ADAMTS16: variants seen among roughly 807,000 people sequenced by gnomAD.
ADAMTS16 encodes A disintegrin and metalloproteinase with thrombospondin motifs 16.
Under a neutral mutation model 145.8 loss-of-function variants are expected in ADAMTS16, and 94 were observed. That is an observed-to-expected ratio of 0.64 (90% confidence interval 0.55 to 0.77). The LOEUF (loss-of-function observed/expected upper bound fraction) is 0.77. Among genes scored for constraint, ADAMTS16 ranks in the 30% least tolerant of loss-of-function variants. The pLI is 0.00. For synonymous variants in ADAMTS16, 659 were observed against 604.3 expected, an observed-to-expected ratio of 1.09 and a Z score of -1.33; for missense variants, 1,585 against 1,591.5, an observed-to-expected ratio of 1.00 and a Z score of 0.07.
At chr5:5,162,934 G>A (rs915766945) in intron 3 of ADAMTS16, among the ~76,000 whole-genome samples, 36 of 152,278 alleles carry the variant, frequency 2.4e-4, no homozygotes, top group Admixed American at 7.8e-4. Flanking sequence ...CAGCTATCTG[G>A]AATTCTGCAT....
At chr5:5,146,513 G>A (rs1365937249) in intron 3 of ADAMTS16, 58 bp downstream of exon 3, 5 of 1,498,930 alleles carry the variant, frequency 3.3e-6, no homozygotes, top group Non-Finnish European at 3.6e-6. Flanking sequence ...GGAAAGGAGA[G>A]CGTAACCAGG....
rs1350979915 is a variant in ADAMTS16, at chr5:5,140,738, G to A, written c.147G>A (p.Ala49=). 2 of 1,567,734 alleles carry A rather than the reference G, an allele frequency of 1.3e-6. No homozygotes were observed. Among genetic ancestry groups the A allele is most frequent in the African/African-American group, 1.4e-5 (1 of 73,942 alleles). Residue 49 remains alanine, a synonymous_variant, in exon 2 of 23, where the codon GCG becomes GCA. Transcript: ENST00000274181. ...SPSVPRPPPP[A]ERPGWMEKGE... Reference sequence around the variant, plus strand: ...GCGTCCCGCGTCCTCCTCCACCCGCGGAGCGGCCGGGCTGGATGGAAAAGG... The same window carrying A: ...GCGTCCCGCGTCCTCCTCCACCCGCAGAGCGGCCGGGCTGGATGGAAAAGG...
intron 17 of ADAMTS16, among the ~76,000 whole-genome samples, chr5:5,261,839 T>C (rs951716885): frequency 1.3e-5 from 2 of 152,306 alleles, no homozygotes; most frequent in African/African-American, 4.8e-5. Context: ...TACATTCACA[T>C]TGATGTACAA....
intron 18 of ADAMTS16, among the ~76,000 whole-genome samples, chr5:5,265,985 AG>A (rs1211249424): frequency 5.9e-4 from 83 of 141,364 alleles, no homozygotes; most frequent in Admixed American, 2.2e-3. Flanking sequence ...GACTTAAAGA[AG>A]TGTGTGTGTG....
At chr5:5,270,735 T>C (rs372204590) in intron 18 of ADAMTS16, among the ~76,000 whole-genome samples, 33 of 152,222 alleles carry the variant, frequency 2.2e-4, no homozygotes, top group African/African-American at 7.7e-4. Context: ...AAAATATATT[T>C]CTATTATGTC....
At chr5:5,262,117 C>T (rs1240648331) in intron 17 of ADAMTS16, among the ~76,000 whole-genome samples, 1 of 152,168 alleles carries the variant, frequency 6.6e-6, no homozygotes, top group Non-Finnish European at 1.5e-5. Context: ...CTTCTATTTC[C>T]ATTGACTTCC....
intron 3 of ADAMTS16, among the ~76,000 whole-genome samples, chr5:5,154,301 C>T (rs17710382): frequency 0.14 from 20,890 of 152,114 alleles, 1,509 homozygotes; most frequent in African/African-American, 0.16. Flanking sequence ...AAAGAACGGC[C>T]AAAGCTGGTG....
chr5:5,312,165 T>A (rs1579418219), intron 21 of ADAMTS16, among the ~76,000 whole-genome samples: 1 of 152,346 alleles, frequency 6.6e-6, no homozygotes, highest in African/African-American at 2.4e-5. Context: ...TCTCCCCAGC[T>A]CTGCGTGCTT....
At chr5:5,159,257 C>T (rs1734682404) in intron 3 of ADAMTS16, among the ~76,000 whole-genome samples, 1 of 152,174 alleles carries the variant, frequency 6.6e-6, no homozygotes, top group Non-Finnish European at 1.5e-5. Context: ...AATAAAAATG[C>T]TTCTTAAGTA....
chr5:5,237,420 A>G (rs1737142685), intron 14 of ADAMTS16, among the ~76,000 whole-genome samples: 2 of 152,124 alleles, frequency 1.3e-5, no homozygotes, highest in Admixed American at 6.5e-5. Context: ...TGTCAGGAAA[A>G]TAGAGAGGGG....
At chr5:5,148,373 G>T (rs1734358725) in intron 3 of ADAMTS16, among the ~76,000 whole-genome samples, 1 of 152,176 alleles carries the variant, frequency 6.6e-6, no homozygotes, top group Non-Finnish European at 1.5e-5. Flanking sequence ...TTGAAAAGAA[G>T]ATCTCTTCTA....
rs1738396742 is a variant in ADAMTS16, at chr5:5,269,858, C to A, written c.2789+7075C>A. On this transcript the variant is annotated intron_variant, in intron 18 of 22. Coordinates refer to ENST00000274181, the MANE Select transcript of ADAMTS16 (RefSeq NM_139056.4). This position sits in a 1 kb window ranked among gnomAD's most constrained non-coding sequence, Gnocchi z 4.3. Reference sequence around the variant, plus strand: ...ACACGGTTTAATACACACATGCTGTCAAGAGCACTGTGTGCTGGAAGAAAA... The same window carrying A: ...ACACGGTTTAATACACACATGCTGTAAAGAGCACTGTGTGCTGGAAGAAAA... Among the ~76,000 whole-genome samples the A allele has an allele frequency of 6.6e-6, 1 of 152,126 alleles. No individual in the cohort carries two copies. Among genetic ancestry groups the A allele is most frequent in the African/African-American group, 2.4e-5 (1 of 41,424 alleles).
chr5:5,287,676 C>T (rs752772988), intron 18 of ADAMTS16, among the ~76,000 whole-genome samples: 5 of 152,182 alleles, frequency 3.3e-5, no homozygotes, highest in Admixed American at 2.6e-4. Context: ...GTTGATTTCA[C>T]GGACGGTGTC....
chr5:5,314,783 C>T (rs1733969424), intron 21 of ADAMTS16, among the ~76,000 whole-genome samples: 1 of 152,170 alleles, frequency 6.6e-6, no homozygotes, highest in Non-Finnish European at 1.5e-5. Context: ...GATTCTGACA[C>T]TGTGCATCTT....
At chr5:5,206,554 A>G (rs570889608) in intron 9 of ADAMTS16, among the ~76,000 whole-genome samples, 1 of 149,862 alleles carries the variant, frequency 6.7e-6, no homozygotes, top group East Asian at 2.0e-4. Flanking sequence ...ATCTCGGCTC[A>G]CTGTGACCTC....
chr5:5,191,070 A>G (rs11134096), intron 7 of ADAMTS16, among the ~76,000 whole-genome samples: 1 of 152,086 alleles, frequency 6.6e-6, no homozygotes, highest in Admixed American at 6.5e-5. Flanking sequence ...GCCACGACTC[A>G]TTGCTGGGGA....
At chr5:5,215,768 G>GTA (rs1216585274) in intron 10 of ADAMTS16, among the ~76,000 whole-genome samples, 4 of 136,900 alleles carry the variant, frequency 2.9e-5, no homozygotes, top group East Asian at 2.1e-4. Flanking sequence ...TATGTATGTG[G>GTA]TATATATATA....
chr5:5,195,908 A>G (rs1483412688), intron 8 of ADAMTS16, among the ~76,000 whole-genome samples: 1 of 152,194 alleles, frequency 6.6e-6, no homozygotes, highest in Non-Finnish European at 1.5e-5. Flanking sequence ...GAGACCACAC[A>G]GGGACAATCA....
chr5:5,303,825 T>C, intron 20 of ADAMTS16, 59 bp downstream of exon 20: 1 of 1,563,754 alleles, frequency 6.4e-7, no homozygotes, highest in South Asian at 1.1e-5. Flanking sequence ...GGACTGCCTC[T>C]TCTCTCCTGG....
Sources: allele counts gnomAD v4.1 joint callset (sites outside exome capture counted in the v4.1 genomes callset), GRCh38; gene constraint gnomAD v4.1.1; non-coding constraint Gnocchi (gnomAD v3.1); transcripts MANE v1.5; gene names NCBI Gene and HGNC (gene_info 2026-07-23, HGNC 2026-07-21).